Variants in PRIM2 observed in about 807,000 individuals in gnomAD.
PRIM2 encodes the protein DNA primase large subunit.
In PRIM2, 39 loss-of-function variants were observed where a neutral mutation model predicts 67.3. The ratio of observed to expected loss-of-function variants is 0.58; its 90% CI spans 0.45 to 0.76. The LOEUF (loss-of-function observed/expected upper bound fraction) is 0.76. Among genes scored for constraint, PRIM2 ranks in the 30% least tolerant of loss-of-function variants. The pLI is 0.00. For missense variants in PRIM2, 398 were observed against 598.7 expected (o/e 0.66, Z 3.50); for synonymous variants, 143 against 198.7 (o/e 0.72, Z 2.36).
chr6:57,474,409 C>CAG (rs1773423567), intron 7 of PRIM2, among the ~76,000 whole-genome samples: 1 of 151,998 alleles, frequency 6.6e-6, no homozygotes, highest in African/African-American at 2.4e-5. Flanking sequence ...CTCCTGACCT[C>CAG]GTGATCTGCC....
chr6:57,509,064 T>C (rs1425572766), intron 8 of PRIM2, among the ~76,000 whole-genome samples: 2 of 151,952 alleles, frequency 1.3e-5, no homozygotes, highest in African/African-American at 4.8e-5. Flanking sequence ...AGTTTTCTTT[T>C]TCTTTCTTAG....
chr6:57,452,813 G>T (rs1050107349), intron 7 of PRIM2, among the ~76,000 whole-genome samples: 27 of 152,218 alleles, frequency 1.8e-4, no homozygotes, highest in Admixed American at 1.0e-3. Flanking sequence ...GTCAATTTTG[G>T]CTTCTGTTGC....
intron 13 of PRIM2, among the ~76,000 whole-genome samples, chr6:57,634,062 T>G (rs1777078925): frequency 6.6e-6 from 1 of 152,246 alleles, no homozygotes; most frequent in Admixed American, 6.5e-5. Context: ...AAACAATCTG[T>G]GTGGGGTCAC....
chr6:57,511,151 A>G (rs1230741725), intron 8 of PRIM2, among the ~76,000 whole-genome samples: 2 of 152,154 alleles, frequency 1.3e-5, no homozygotes, highest in East Asian at 1.9e-4. Context: ...TAGAGACTCA[A>G]AGAGAATTAA....
intron 5 of PRIM2, among the ~76,000 whole-genome samples, chr6:57,340,419 C>T (rs544091670): frequency 1.8e-4 from 28 of 152,040 alleles, no homozygotes; most frequent in Admixed American, 5.9e-4. Context: ...ATGTTTATTG[C>T]GGCACTATTC....
At chr6:57,238,573 G>A in the PRIM2 span, among the ~76,000 whole-genome samples, 4 of 152,192 alleles carry the variant, frequency 2.6e-5, no homozygotes, top group African/African-American at 9.7e-5. Flanking sequence ...AGTGTGTACA[G>A]GGAAATTTAT....
chr6:57,451,759 C>G (rs1327918361), intron 7 of PRIM2, among the ~76,000 whole-genome samples: 3 of 151,018 alleles, frequency 2.0e-5, no homozygotes, highest in Non-Finnish European at 4.4e-5. Flanking sequence ...TAACTACATA[C>G]TGGCTTGTTC....
intron 5 of PRIM2, among the ~76,000 whole-genome samples, chr6:57,336,395 G>A (rs1768248378): frequency 6.6e-6 from 1 of 152,136 alleles, no homozygotes; most frequent in Non-Finnish European, 1.5e-5. Flanking sequence ...GCAACTGCAA[G>A]ACACATAGTT....
rs1336774364 is a variant in PRIM2, at chr6:57,598,817, C to T, written c.1021-2276C>T. Among the ~76,000 whole-genome samples, 5 of 148,740 alleles carry T rather than the reference C, an allele frequency of 3.4e-5. No homozygotes were observed. The East Asian group carries it at 5.9e-4, about 18-fold the overall frequency. ...TGAGCTGCTCTAGCACATTACTGAA[C>T]CTGAGAAGGGGGTTGTGGTAACCTC... On this transcript the variant is annotated intron_variant, in intron 10 of 13. Coordinates refer to ENST00000615550, the MANE Select transcript of PRIM2 (RefSeq NM_000947.5).
At chr6:57,281,330 T>G in the PRIM2 span, among the ~76,000 whole-genome samples, 1 of 152,216 alleles carries the variant, frequency 6.6e-6, no homozygotes, top group Non-Finnish European at 1.5e-5. Flanking sequence ...GTGGAATTGC[T>G]GGATCACGTT....
Position 57,331,045 on chromosome 6 carries a change from A to G in PRIM2, c.459+5000A>G, listed in dbSNP as rs186997266. On this transcript the variant is annotated intron_variant, in intron 5 of 13. Coordinates refer to ENST00000615550, the MANE Select transcript of PRIM2 (RefSeq NM_000947.5). ...AAAAAAAAATACCAAAAAATTAGCC[A>G]GACGTGGTGGTGCGTGCCTGTAGTC... Among the ~76,000 whole-genome samples, 25 of 152,082 alleles carry G rather than the reference A, an allele frequency of 1.6e-4. 1 individual carries two copies. In the East Asian group the frequency reaches 4.8e-3, roughly 29 times the overall value.
intron 10 of PRIM2, among the ~76,000 whole-genome samples, chr6:57,568,444 T>C (rs1775792013): frequency 6.6e-6 from 1 of 152,228 alleles, no homozygotes; most frequent in Non-Finnish European, 1.5e-5. Flanking sequence ...TCTGTGTCAA[T>C]ATTTTATGGG....
At chr6:57,607,785 A>G (rs1329795281) in intron 12 of PRIM2, among the ~76,000 whole-genome samples, 4 of 152,208 alleles carry the variant, frequency 2.6e-5, no homozygotes, top group Non-Finnish European at 4.4e-5. Context: ...TAACGTATCT[A>G]TGTTAACATA....
intron 5 of PRIM2, among the ~76,000 whole-genome samples, chr6:57,356,164 A>C (rs1769023406): frequency 6.6e-6 from 1 of 152,204 alleles, no homozygotes; most frequent in Non-Finnish European, 1.5e-5. Flanking sequence ...TGAAGAGCAT[A>C]GGCTCTGGTG....
chr6:57,354,949 G>C (rs1371484906), intron 5 of PRIM2, among the ~76,000 whole-genome samples: 2 of 152,210 alleles, frequency 1.3e-5, no homozygotes, highest in Non-Finnish European at 2.9e-5. Flanking sequence ...CTGTGAGTCA[G>C]ACAGCACAAA....
rs34491627 is a variant in PRIM2 at position 57,418,383 on chromosome 6, G to GTTT, written c.693+36247_693+36249dup. Reference sequence around the variant, plus strand: ...TAAGGTAATGTTTCCTATGTGTGTGGTTTTTTTTTTTTTTTTTTTTTTTTT... The same window carrying GTTT: ...TAAGGTAATGTTTCCTATGTGTGTGGTTTTTTTTTTTTTTTTTTTTTTTTTTTT... On this transcript the variant is annotated intron_variant, in intron 7 of 13. Transcript: ENST00000615550. Among the ~76,000 whole-genome samples, 195 of 47,196 alleles carry GTTT rather than the reference G, an allele frequency of 4.1e-3. 8 individuals are homozygous for GTTT. Among genetic ancestry groups the GTTT allele is most frequent in the East Asian group, 9.5e-3 (18 of 1,886 alleles). 31.0% of individuals were successfully genotyped at this position (47,196 alleles called of 152,430 possible).
intron 7 of PRIM2, chr6:57,505,024 A>T (rs1453574059): frequency 6.6e-6 from 1 of 152,236 alleles, no homozygotes; most frequent in Non-Finnish European, 1.5e-5. Context: ...TGTAAGTAGT[A>T]ACTACGTTAG....
At chr6:57,509,863 TATATA>T (rs1394846058) in intron 8 of PRIM2, among the ~76,000 whole-genome samples, 2 of 149,200 alleles carry the variant, frequency 1.3e-5, no homozygotes. Context: ...ACATTTTAAA[TATATA>T]ATGTAAATAT....
intron 8 of PRIM2, among the ~76,000 whole-genome samples, chr6:57,514,672 G>A (rs1212142210): frequency 4.6e-5 from 7 of 151,962 alleles, no homozygotes; most frequent in Non-Finnish European, 4.4e-5. Flanking sequence ...CATCTGTATG[G>A]AAAATGTTAA....
Sources: allele counts gnomAD v4.1 joint callset (sites outside exome capture counted in the v4.1 genomes callset), GRCh38; gene constraint gnomAD v4.1.1; transcripts MANE v1.5; gene names NCBI Gene and HGNC (gene_info 2026-07-23, HGNC 2026-07-21).